The following GSE1 variants were observed in gnomAD, a reference collection of about 807,000 sequenced individuals.
The protein encoded by GSE1 is Gse1 coiled-coil protein.
Under a neutral mutation model 112.6 loss-of-function variants are expected in GSE1, and 32 were observed. The ratio of observed to expected loss-of-function variants is 0.28; its 90% CI spans 0.21 to 0.38. The LOEUF is 0.38. Among genes scored for constraint, GSE1 ranks in the 10% least tolerant of loss-of-function variants. GSE1 has a pLI of 1.00. For synonymous variants in GSE1, 1,115 were observed against 735.6 expected, an observed-to-expected ratio of 1.52 and a Z score of -8.35; for missense variants, 2,348 against 1,699.2, an observed-to-expected ratio of 1.38 and a Z score of -6.71.
In GSE1 at chr16:85,673,346, A is replaced by C. The variant is rs1002519684; in HGVS notation, c.*807A>C. On this transcript the variant is annotated 3_prime_UTR_variant, in exon 16 of 16. Transcript: ENST00000253458. ...ACTGTGTATATATATTAAAAAAAAA[A>C]CAAAGTTTTGTATGTTTTTATTACT... 8 of 152,194 alleles carry C rather than the reference A, an allele frequency of 5.3e-5. No individual in the cohort carries two copies. Among genetic ancestry groups the C allele is most frequent in the Non-Finnish European group, 1.2e-4 (8 of 67,804 alleles). 9.4% of individuals were successfully genotyped at this position (152,194 alleles called of 1,614,324 possible).
chr16:85,622,624 C>A lies in GSE1; in HGVS notation c.7+9226C>A, dbSNP rs558440169. ...AGAGGGTCTGGTCCGCCACTTTGAA[C>A]CATCTTGAGAGTGGACCTTTTTGCA... On this transcript the variant is annotated intron_variant, in intron 1 of 15. Coordinates refer to ENST00000253458, the MANE Select transcript of GSE1 (RefSeq NM_014615.5). Among the ~76,000 whole-genome samples the A allele has an allele frequency of 2.0e-5, 3 of 152,326 alleles. No homozygotes were observed. In the East Asian group the frequency reaches 5.8e-4, roughly 29 times the overall value.
Position 85,454,173 on chromosome 16 carries a change from G to T in GSE1, c.2464+96530G>T, listed in dbSNP as rs555295945. On this transcript the variant is annotated intron_variant, in intron 2 of 2. Coordinates refer to the GSE1 transcript ENST00000637419. ...GAGCAACCAACATTTATTAAGGACT[G>T]GCAGCGTGCAGGGCCCTGTGTGGAG... 2.6e-5 allele frequency among the ~76,000 whole-genome samples: 4 copies of T among 152,360 alleles called. No individual in the cohort carries two copies. In the South Asian group the frequency reaches 6.2e-4, roughly 24 times the overall value.
chr16:85,394,312 A>G (rs1424232315), intron 2 of GSE1, among the ~76,000 whole-genome samples: 1 of 152,162 alleles, frequency 6.6e-6, no homozygotes, highest in Non-Finnish European at 1.5e-5. Context: ...CGCTCATTAA[A>G]GTTTAATACC....
intron 2 of GSE1, among the ~76,000 whole-genome samples, chr16:85,474,344 C>G (rs2050386305): frequency 6.6e-6 from 1 of 152,178 alleles, no homozygotes; most frequent in South Asian, 2.1e-4. Context: ...GCCCTCTGCC[C>G]TCCTCCGCAT....
intron 1 of GSE1, among the ~76,000 whole-genome samples, chr16:85,193,096 C>T (rs1205589647): frequency 1.3e-5 from 2 of 152,156 alleles, no homozygotes; most frequent in African/African-American, 4.8e-5. Context: ...TTACAGTGTA[C>T]CCAGCCATCG....
At chr16:85,575,039 C>T (rs1018328452) in intron 1 of GSE1, among the ~76,000 whole-genome samples, 76 of 151,654 alleles carry the variant, frequency 5.0e-4, no homozygotes, top group African/African-American at 1.8e-3. Context: ...CGGCTCCCCG[C>T]TCCCCCTCTC....
intron 13 of GSE1, among the ~76,000 whole-genome samples, chr16:85,667,853 C>T (rs1003492956): frequency 6.6e-6 from 1 of 152,012 alleles, no homozygotes; most frequent in African/African-American, 2.4e-5. Context: ...GGACTGAGGG[C>T]AGCCAAAACA....
intron 1 of GSE1, among the ~76,000 whole-genome samples, chr16:85,621,445 C>T (rs1446160266): frequency 6.6e-6 from 1 of 152,256 alleles, no homozygotes; most frequent in Non-Finnish European, 1.5e-5. Flanking sequence ...GTCCTGGCGT[C>T]CTTTTTTGAA....
intron 2 of GSE1, among the ~76,000 whole-genome samples, chr16:85,371,276 C>T (rs915273817): frequency 1.3e-5 from 2 of 152,320 alleles, no homozygotes; most frequent in East Asian, 1.9e-4. Context: ...GTGCTCCTGC[C>T]GGGTGAGTCC....
chr16:85,361,251 G>A (rs1172370278), intron 2 of GSE1, among the ~76,000 whole-genome samples: 1 of 113,536 alleles, frequency 8.8e-6, no homozygotes, highest in East Asian at 2.7e-4. Flanking sequence ...GACAGGCACA[G>A]ACCCCCCACA....
At chr16:85,648,258 G>T (rs1471033380) in intron 2 of GSE1, among the ~76,000 whole-genome samples, 1 of 152,148 alleles carries the variant, frequency 6.6e-6, no homozygotes, top group East Asian at 1.9e-4. Flanking sequence ...CTCCTGTCTG[G>T]TGGCGGTGGG....
intron 2 of GSE1, among the ~76,000 whole-genome samples, chr16:85,506,033 CT>C (rs1442126044): frequency 3.3e-5 from 5 of 152,130 alleles, no homozygotes; most frequent in African/African-American, 1.2e-4. Flanking sequence ...GGAGTGCCTC[CT>C]GAATGGCGCG....
chr16:85,320,081 T>C (rs1285772534), intron 1 of GSE1, among the ~76,000 whole-genome samples: 1 of 152,136 alleles, frequency 6.6e-6, no homozygotes, highest in East Asian at 1.9e-4. Context: ...ACAGGAGAAA[T>C]CTGTCTGGGA....
chr16:85,646,840 G>A (rs1337133179), intron 2 of GSE1, among the ~76,000 whole-genome samples: 2 of 149,078 alleles, frequency 1.3e-5, no homozygotes, highest in Non-Finnish European at 3.0e-5. Flanking sequence ...GGCAGCCCCA[G>A]CCTCTGGGGA....
intron 1 of GSE1, among the ~76,000 whole-genome samples, chr16:85,274,052 G>A (rs1909117237): frequency 6.6e-6 from 1 of 151,534 alleles, no homozygotes; most frequent in South Asian, 2.1e-4. Context: ...GGTAGTGGCT[G>A]CACAACATTG....
In GSE1 at chr16:85,516,586, C is replaced by CAAA. The variant is rs35709045; in HGVS notation, c.2465-117310_2465-117308dup. 2.4e-4 allele frequency among the ~76,000 whole-genome samples: 19 copies of CAAA among 80,450 alleles called. 1 individual carries two copies. Among genetic ancestry groups the CAAA allele is most frequent in the East Asian group, 1.0e-3 (3 of 3,014 alleles). 52.8% of individuals were successfully genotyped at this position (80,450 alleles called of 152,430 possible). A position where few individuals can be genotyped will look rare whatever the true frequency, so the allele number is the denominator to read the frequency against. The stretch of plus-strand genomic sequence containing the variant: ...CAAGGCAACAGAGGAGACCCTGTCT[C>CAAA]AAAAAAAAAAAAAAAAAAAAGATTT... On this transcript the variant is annotated intron_variant, in intron 2 of 2. Coordinates refer to the GSE1 transcript ENST00000637419.
At chr16:85,224,342 A>G (rs992630160) in intron 1 of GSE1, among the ~76,000 whole-genome samples, 3 of 145,386 alleles carry the variant, frequency 2.1e-5, no homozygotes, top group Non-Finnish European at 4.5e-5. Flanking sequence ...GGGAACACAC[A>G]GGGGCGGATT....
chr16:85,667,679 C>G (rs1306819832), intron 13 of GSE1, among the ~76,000 whole-genome samples: 4 of 152,150 alleles, frequency 2.6e-5, no homozygotes, highest in African/African-American at 4.8e-5. Context: ...GCCAACATGG[C>G]GAAACCCTGT....
intron 1 of GSE1, among the ~76,000 whole-genome samples, chr16:85,306,867 G>A (rs1000610415): frequency 5.3e-5 from 8 of 152,242 alleles, no homozygotes; most frequent in Non-Finnish European, 1.2e-4. Flanking sequence ...GGCCCCAAAC[G>A]GTTTGAACCT....
Sources: allele counts gnomAD v4.1 joint callset (sites outside exome capture counted in the v4.1 genomes callset), GRCh38; gene constraint gnomAD v4.1.1; transcripts MANE v1.5; gene names NCBI Gene and HGNC (gene_info 2026-07-23, HGNC 2026-07-21).